Variants in ZYG11B observed in about 807,000 individuals in gnomAD.
ZYG11B encodes the protein zyg-11 family member B, cell cycle regulator, also known as protein zyg-11 homolog B.
A neutral mutation model predicts 82.4 loss-of-function variants in ZYG11B; 36 were observed. That is an observed-to-expected ratio of 0.44 (90% CI 0.33 to 0.58). The LOEUF is 0.58. Among genes scored for constraint, ZYG11B ranks in the 20% least tolerant of loss-of-function variants. The pLI is 0.02. For synonymous variants in ZYG11B, 303 were observed against 312.8 expected (o/e 0.97, Z 0.33); for missense variants, 552 against 895.6 (o/e 0.62, Z 4.90).
chr1:52,749,295 T>C (rs1332580520), intron 1 of ZYG11B, among the ~76,000 whole-genome samples: 3 of 152,166 alleles, frequency 2.0e-5, no homozygotes, highest in Non-Finnish European at 4.4e-5. Context: ...TGTGAAAATA[T>C]CTGTTACAGT....
chr1:52,733,315 G>A (rs1455972113), intron 1 of ZYG11B, among the ~76,000 whole-genome samples: 1 of 152,098 alleles, frequency 6.6e-6, no homozygotes, highest in Non-Finnish European at 1.5e-5. Flanking sequence ...TTTATTAAAT[G>A]TGTTTGTTCT....
chr1:52,779,360 T>C (rs779727910), intron 3 of ZYG11B, among the ~76,000 whole-genome samples: 2 of 152,214 alleles, frequency 1.3e-5, no homozygotes, highest in Non-Finnish European at 2.9e-5. Flanking sequence ...GTTCTGAGCC[T>C]ATCTAATATA....
At chr1:52,792,632 T>C (rs1644969279) in intron 6 of ZYG11B, among the ~76,000 whole-genome samples, 1 of 152,232 alleles carries the variant, frequency 6.6e-6, no homozygotes. Flanking sequence ...TTTTCATCCA[T>C]GCTATGTTGT....
At chr1:52,795,085 C>G (rs1218852126) in intron 6 of ZYG11B, among the ~76,000 whole-genome samples, 2 of 152,118 alleles carry the variant, frequency 1.3e-5, no homozygotes, top group African/African-American at 4.8e-5. Flanking sequence ...TGACGCCACC[C>G]AAATCTCATG....
chr1:52,799,106 A>C (rs1210365361), intron 8 of ZYG11B, among the ~76,000 whole-genome samples: 1 of 152,084 alleles, frequency 6.6e-6, no homozygotes, highest in Non-Finnish European at 1.5e-5. Flanking sequence ...ATATCTATAA[A>C]TTCTACCCAT....
chr1:52,781,726 A>T (rs1450197532), intron 4 of ZYG11B, among the ~76,000 whole-genome samples: 1 of 152,236 alleles, frequency 6.6e-6, no homozygotes, highest in Non-Finnish European at 1.5e-5. Flanking sequence ...TCTGTTTTAC[A>T]GATAATGAAA....
At chr1:52,775,033 C>T (rs1400467666) in intron 3 of ZYG11B, among the ~76,000 whole-genome samples, 1 of 150,416 alleles carries the variant, frequency 6.6e-6, no homozygotes, top group Non-Finnish European at 1.5e-5. Context: ...TTGCCTCTTC[C>T]TTGAGATACC....
intron 1 of ZYG11B, among the ~76,000 whole-genome samples, chr1:52,729,173 G>A (rs1464136203): frequency 6.6e-6 from 1 of 152,120 alleles, no homozygotes; most frequent in Non-Finnish European, 1.5e-5. Flanking sequence ...TGGTGGCAGG[G>A]GCCAGGCAGC....
Position 52,819,225 on chromosome 1 carries a change from G to A in ZYG11B, c.2045-2214G>A, listed in dbSNP as rs188179771. On this transcript the variant is annotated intron_variant, in intron 13 of 13. Transcript: ENST00000294353. ...TTGTACCCACCTGAACTCCCACCTG[G>A]AGGCTTATCCGGTCCTTCCTACTAC... Among the ~76,000 whole-genome samples, 19 of 152,226 alleles carry A rather than the reference G, an allele frequency of 1.2e-4. No individual in the cohort carries two copies. The East Asian group carries it at 3.7e-3, about 29-fold the overall frequency.
At chr1:52,817,287 C>T (rs924693919) in intron 13 of ZYG11B, among the ~76,000 whole-genome samples, 1 of 152,112 alleles carries the variant, frequency 6.6e-6, no homozygotes, top group Non-Finnish European at 1.5e-5. Flanking sequence ...TTCTCATTCA[C>T]CCAAAATTCT....
chr1:52,743,937 TTTC>T (rs1644455421), intron 1 of ZYG11B, among the ~76,000 whole-genome samples: 1 of 150,054 alleles, frequency 6.7e-6, no homozygotes, highest in African/African-American at 2.5e-5. Flanking sequence ...TTTTCTTTTC[TTTC>T]TTTTTTTTTT....
At chr1:52,784,717 A>T (rs563337394) in intron 4 of ZYG11B, among the ~76,000 whole-genome samples, 160 bp from the exon 5 acceptor site, 7 of 152,224 alleles carry the variant, frequency 4.6e-5, no homozygotes, top group Non-Finnish European at 1.0e-4. Context: ...GACTGGAACT[A>T]TTTGTGAGTA....
Position 52,776,229 on chromosome 1 carries a change from A to AAAATATATATATATATAT in ZYG11B, c.952-3623_952-3622insAATATATATATATATATA. 1.1e-3 allele frequency among the ~76,000 whole-genome samples: 26 copies of AAAATATATATATATATAT among 23,544 alleles called. 3 individuals are homozygous for AAAATATATATATATATAT. The highest frequency in any genetic ancestry group is 4.7e-3 in the South Asian group (2 of 422). 15.4% of individuals were successfully genotyped at this position (23,544 alleles called of 152,430 possible). A position where few individuals can be genotyped will look rare whatever the true frequency, so the allele number is the denominator to read the frequency against. On this transcript the variant is annotated intron_variant, in intron 3 of 13. Transcript: ENST00000294353. ...AGCAAAACTCTGTCTTAAAAAAAAAAATATATATATATATATGCAATAAAG... is the reference window on the plus strand; with the variant it reads ...AGCAAAACTCTGTCTTAAAAAAAAAAAAATATATATATATATATATATATATATATATATGCAATAAAG...
At position 52,772,441 on chromosome 1, in the gene ZYG11B, T is replaced by C. The variant is rs569864091; in HGVS notation, c.951+667T>C. The C allele has an allele frequency of 1.1e-5, 17 of 1,568,192 alleles. No homozygotes were observed. The African/African-American group carries it at 2.2e-4, about 20-fold the overall frequency. On this transcript the variant is annotated intron_variant, in intron 3 of 13. Transcript: ENST00000294353. ...TTAGACTTAAGAATTCTTAAAATTT[T>C]ATTGCCTGTCACAAAACGTACTTGT...
intron 1 of ZYG11B, among the ~76,000 whole-genome samples, chr1:52,748,901 CA>C (rs34089388): frequency 0.53 from 64,446 of 120,586 alleles, 15,072 homozygotes; most frequent in East Asian, 0.65. Flanking sequence ...GCTTCCATCT[CA>C]AAAAAAAAAA....
chr1:52,734,600 A>G (rs923339735), intron 1 of ZYG11B, among the ~76,000 whole-genome samples: 1 of 151,382 alleles, frequency 6.6e-6, no homozygotes, highest in Non-Finnish European at 1.5e-5. Context: ...CAGTGAGCCG[A>G]GATCGCGCCA....
intron 1 of ZYG11B, among the ~76,000 whole-genome samples, chr1:52,753,424 CT>C (rs3082846): frequency 0.08 from 10,995 of 137,136 alleles, 809 homozygotes; most frequent in East Asian, 0.35. Context: ...TGTTGTTGTT[CT>C]TTTTTTTTTT....
At chr1:52,799,932 T>C (rs942460438) in intron 8 of ZYG11B, among the ~76,000 whole-genome samples, 13 of 152,208 alleles carry the variant, frequency 8.5e-5, no homozygotes, top group Non-Finnish European at 1.8e-4. Context: ...CCATGTATTT[T>C]GGGCAAATCA....
At chr1:52,732,097 C>T (rs909098048) in intron 1 of ZYG11B, among the ~76,000 whole-genome samples, 1 of 152,166 alleles carries the variant, frequency 6.6e-6, no homozygotes, top group Non-Finnish European at 1.5e-5. Context: ...GCCATCGTGC[C>T]CAGCCTATTT....
Sources: gnomAD v4.1 joint callset for allele counts (sites outside exome capture counted in the v4.1 genomes callset) on GRCh38, gnomAD v4.1.1 for gene constraint, MANE v1.5 for transcripts, NCBI Gene and HGNC (gene_info 2026-07-23, HGNC 2026-07-21) for gene names.